The following TINAGL1 variants were observed in gnomAD, a reference collection of about 807,000 sequenced individuals.
TINAGL1 encodes the protein tubulointerstitial nephritis antigen like 1.
TINAGL1 carries 34 observed loss-of-function variants against 62.0 expected under a neutral mutation model. The observed-to-expected ratio is 0.55, with a 90% CI of 0.42 to 0.73. The LOEUF (loss-of-function observed/expected upper bound fraction) is 0.73. Ranked by LOEUF, TINAGL1 falls within the 30% of genes least tolerant of loss-of-function variation. The probability of loss-of-function intolerance (pLI) is 0.00; values close to 1 mark genes in which losing one functional copy is unlikely to be tolerated. For synonymous variants in TINAGL1, 221 were observed against 249.7 expected (o/e 0.88, Z 1.08); for missense variants, 516 against 653.2 (o/e 0.79, Z 2.29).
At chr1:31,586,646 G>A (rs531891233) in intron 10 of TINAGL1, 64 bp from the exon 11 acceptor site, 15 of 1,549,598 alleles carry the variant, frequency 9.7e-6, no homozygotes, top group South Asian at 7.1e-5. Flanking sequence ...GCAGGTTTCC[G>A]GGATTGGAGC....
intron 2 of TINAGL1, chr1:31,578,037 G>A (rs560507591): frequency 1.2e-4 from 51 of 411,388 alleles, no homozygotes; most frequent in African/African-American, 9.9e-4. Flanking sequence ...ACCTTCTCTG[G>A]GCCTTGGCTT....
Position 31,587,116 on chromosome 1 carries a change from C to A in TINAGL1, c.*137C>A. ...GGGCGCCAGGGCGCTAATCCCGGCG[C>A]GGGTTCCGCTGACGCAGCGCCCCGC... On this transcript the variant is annotated 3_prime_UTR_variant, in exon 12 of 12. Coordinates refer to ENST00000271064, the MANE Select transcript of TINAGL1 (RefSeq NM_022164.3). 7.9e-7 allele frequency: 1 copy of A among 1,262,624 alleles called. No individual in the cohort carries two copies. The highest frequency in any genetic ancestry group is 1.6e-5 in the African/African-American group (1 of 63,800). The allele number at this position is 1,262,624 out of a possible 1,614,324, so 78.2% of individuals were successfully genotyped here.
intron 2 of TINAGL1, 32 bp from the exon 3 acceptor site, chr1:31,579,172 G>T (rs769068454): frequency 1.3e-6 from 2 of 1,597,928 alleles, no homozygotes; most frequent in African/African-American, 1.3e-5. Context: ...CTCTGGTTCT[G>T]GTTCCACTTC....
intron 10 of TINAGL1, chr1:31,586,095 C>G (rs769951831): frequency 7.3e-5 from 37 of 505,446 alleles, no homozygotes; most frequent in South Asian, 2.3e-4. Flanking sequence ...TCCTTCCTTA[C>G]ATTGGGATAA....
rs1570219522 is a variant in TINAGL1 at position 31,585,604 on chromosome 1, G to A, written c.1093+119G>A. On this transcript the variant is annotated intron_variant, in intron 9 of 11. Transcript: ENST00000271064. This position sits in a 1 kb window ranked among gnomAD's most constrained non-coding sequence, Gnocchi z 4.3. ...CATGTCCAGTAGGGCCAGGAGTAGGGGTCCCCCCCTCCCACAGGCAGCACC... is the reference window on the plus strand; with the variant it reads ...CATGTCCAGTAGGGCCAGGAGTAGGAGTCCCCCCCTCCCACAGGCAGCACC... 6.5e-7 allele frequency: 1 copy of A among 1,539,774 alleles called. No individual in the cohort carries two copies. Among genetic ancestry groups the A allele is most frequent in the South Asian group, 1.2e-5 (1 of 80,250 alleles).
chr1:31,586,670 T>G (rs993250746), intron 10 of TINAGL1, 40 bp from the exon 11 acceptor site: 14 of 1,554,286 alleles, frequency 9.0e-6, no homozygotes, highest in African/African-American at 1.4e-5. Flanking sequence ...TGAGAGCAGG[T>G]AGACCCAGCT....
At chr1:31,579,172 G>A (rs769068454) in intron 2 of TINAGL1, 32 bp from the exon 3 acceptor site, 42 of 1,597,928 alleles carry the variant, frequency 2.6e-5, no homozygotes, top group Admixed American at 6.7e-5. Flanking sequence ...CTCTGGTTCT[G>A]GTTCCACTTC....
intron 2 of TINAGL1, among the ~76,000 whole-genome samples, chr1:31,578,606 G>GGTGT (rs767333257): frequency 2.0e-5 from 2 of 98,120 alleles, no homozygotes; most frequent in Admixed American, 1.1e-4. Context: ...AGTGAGAGCT[G>GGTGT]GTGTGTGTGT....
At position 31,577,933 on chromosome 1, in the gene TINAGL1, C is replaced by G. The variant is rs532748833; in HGVS notation, c.310+475C>G. 6.6e-6 allele frequency among the ~76,000 whole-genome samples: 1 copy of G among 152,212 alleles called. No homozygotes were observed. The highest frequency in any genetic ancestry group is 6.5e-5 in the Admixed American group (1 of 15,282). On this transcript the variant is annotated intron_variant, in intron 2 of 11. Coordinates refer to ENST00000271064, the MANE Select transcript of TINAGL1 (RefSeq NM_022164.3). This position sits in a 1 kb window ranked among gnomAD's most constrained non-coding sequence, Gnocchi z 5.4. The stretch of plus-strand genomic sequence containing the variant: ...CCCTGTCCAATAGGAGAATCACTTG[C>G]GTTCCTTCCCACAGTTCCATGGGGC...
At chr1:31,586,508 C>T (rs540740224) in intron 10 of TINAGL1, 1 of 637,550 alleles carries the variant, frequency 1.6e-6, no homozygotes, top group Non-Finnish European at 2.8e-6. Flanking sequence ...GCCCCACCCC[C>T]TCCCATGCTG....
At chr1:31,580,601 G>A (rs1258770664) in intron 3 of TINAGL1, 23 of 1,289,184 alleles carry the variant, frequency 1.8e-5, no homozygotes, top group East Asian at 5.5e-5. Flanking sequence ...CAGTGCCCCC[G>A]CCTCTCCTGG....
At chr1:31,580,081 G>A (rs1158357635) in intron 3 of TINAGL1, among the ~76,000 whole-genome samples, 1 of 142,934 alleles carries the variant, frequency 7.0e-6, no homozygotes, top group East Asian at 2.2e-4. Flanking sequence ...GTGTGTGTGT[G>A]TGTGTTCAAA....
At chr1:31,580,175 C>CTG (rs1639183921) in intron 3 of TINAGL1, 1 of 328,230 alleles carries the variant, frequency 3.0e-6, no homozygotes, top group Non-Finnish European at 4.6e-6. Context: ...CTCTCTCTCT[C>CTG]TCTCTCTCTC....
chr1:31,586,067 G>A (rs1183027874), intron 10 of TINAGL1, 191 bp downstream of exon 10: 1 of 652,978 alleles, frequency 1.5e-6, no homozygotes, highest in Non-Finnish European at 2.4e-6. Context: ...AGCCTCTGAA[G>A]GCTTTTTTAG....
At position 31,577,251 on chromosome 1, in the gene TINAGL1, C is replaced by G; in HGVS notation, c.103C>G (p.Leu35Val). The change falls in exon 2 of 12, where the codon CTG becomes GTG. Residue 35 changes from leucine to valine, a missense_variant. By Grantham distance (32) the Leu-to-Val change is conservative. Transcript: ENST00000271064. The surrounding 1 kb of genome is among the most constrained non-coding windows in gnomAD (Gnocchi z 5.4). ...GRGRRELAPGLHLRGIRDAGG... is the reference protein window; with the variant it reads ...GRGRRELAPGVHLRGIRDAGG... ...TGGGCGCCGGGAGCTAGCACCGGGTCTGCACCTGCGGGGCATCCGGGACGC... is the reference window on the plus strand; with the variant it reads ...TGGGCGCCGGGAGCTAGCACCGGGTGTGCACCTGCGGGGCATCCGGGACGC... The G allele has an allele frequency of 6.2e-7, 1 of 1,610,554 alleles. No individual in the cohort carries two copies. Among genetic ancestry groups the G allele is most frequent in the Non-Finnish European group, 8.5e-7 (1 of 1,179,084 alleles).
Position 31,585,963 on chromosome 1 carries a change from C to A in TINAGL1, c.1217+87C>A. ...CCTGCCTTGGGTTCTTACAACCTCT[C>A]TAAAAAGCCAGGACTGCTCTCATCA... On this transcript the variant is annotated intron_variant, in intron 10 of 11. Transcript: ENST00000271064. This position sits in a 1 kb window ranked among gnomAD's most constrained non-coding sequence, Gnocchi z 4.3. 6.9e-7 allele frequency: 1 copy of A among 1,451,098 alleles called. No individual in the cohort carries two copies. The highest frequency in any genetic ancestry group is 9.1e-7 in the Non-Finnish European group (1 of 1,094,846). The allele number at this position is 1,451,098 out of a possible 1,614,324, so 89.9% of individuals were successfully genotyped here. A position where few individuals can be genotyped will look rare whatever the true frequency, so the allele number is the denominator to read the frequency against.
rs745443572 is a variant in TINAGL1 at position 31,586,887 on chromosome 1, C to CACGG, written c.1312_1313insACGG (p.Arg438HisfsTer9). ...AGCCTGGGGCGAGAGGGGCCACTTCCGCATCGTGCGCGGCGTCAATGAGTG... is the reference window on the plus strand; with the variant it reads ...AGCCTGGGGCGAGAGGGGCCACTTCCACGGGCATCGTGCGCGGCGTCAATGAGTG... On this transcript the variant is annotated frameshift_variant, in exon 12 of 12. Coordinates refer to ENST00000271064, the MANE Select transcript of TINAGL1 (RefSeq NM_022164.3). LOFTEE classifies it high-confidence loss of function. The CACGG allele has an allele frequency of 6.4e-7, 1 of 1,550,630 alleles. No individual in the cohort carries two copies. The highest frequency in any genetic ancestry group is 1.4e-5 in the African/African-American group (1 of 73,594).
chr1:31,586,897 G>T lies in TINAGL1; in HGVS notation c.1322G>T (p.Arg441Leu). 1.3e-6 allele frequency: 2 copies of T among 1,548,944 alleles called. No individual in the cohort carries two copies. Among genetic ancestry groups the T allele is most frequent in the South Asian group, 1.2e-5 (1 of 80,676 alleles). Reference protein sequence around the residue: ...WGERGHFRIVRGVNECDIESF... With the variant: ...WGERGHFRIVLGVNECDIESF... ...GAGAGGGGCCACTTCCGCATCGTGC[G>T]CGGCGTCAATGAGTGCGACATCGAG... Residue 441 changes from arginine (R) to leucine (L), a missense_variant, in exon 12 of 12, where the codon CGC becomes CTC. Arg to Leu is a moderately radical substitution (Grantham distance 102, BLOSUM62 -2). Coordinates refer to ENST00000271064, the MANE Select transcript of TINAGL1 (RefSeq NM_022164.3).
Position 31,577,387 on chromosome 1 carries a change from C to T in TINAGL1, c.239C>T (p.Thr80Met), listed in dbSNP as rs375521524. The T allele has an allele frequency of 1.7e-5, 28 of 1,614,022 alleles. No individual in the cohort carries two copies. The highest frequency in any genetic ancestry group is 1.1e-4 in the East Asian group (5 of 44,888). Residue 80 changes from threonine (T) to methionine (M), a missense_variant, in exon 2 of 12, where the codon ACG becomes ATG. Coordinates refer to ENST00000271064, the MANE Select transcript of TINAGL1 (RefSeq NM_022164.3). This position sits in a 1 kb window ranked among gnomAD's most constrained non-coding sequence, Gnocchi z 5.4. ...ICYCDLFCNR[T>M]VSDCCPDFWD... ...TACTGTGACCTCTTCTGCAACCGCA[C>T]GGTCTCCGACTGCTGCCCTGACTTC...
Sources: gnomAD v4.1 joint callset for allele counts (sites outside exome capture counted in the v4.1 genomes callset) on GRCh38, gnomAD v4.1.1 for gene constraint, Gnocchi (gnomAD v3.1) non-coding constraint, MANE v1.5 for transcripts, NCBI Gene and HGNC (gene_info 2026-07-23, HGNC 2026-07-21) for gene names.